Variants in ATP8A2 observed in about 807,000 individuals in gnomAD.
ATP8A2 encodes phospholipid-transporting ATPase IB.
In ATP8A2, 100 loss-of-function variants were observed where a neutral mutation model predicts 165.6. That is an observed-to-expected ratio of 0.60 (90% CI 0.51 to 0.71). The LOEUF (loss-of-function observed/expected upper bound fraction) is 0.71. Among genes scored for constraint, ATP8A2 ranks in the 30% least tolerant of loss-of-function variants. The pLI is 0.00. For synonymous variants in ATP8A2, 543 were observed against 548.8 expected, an observed-to-expected ratio of 0.99 and a Z score of 0.15; for missense variants, 1,227 against 1,479.5, an observed-to-expected ratio of 0.83 and a Z score of 2.80.
At chr13:25,546,236 T>C (rs1444417519) in intron 10 of ATP8A2, among the ~76,000 whole-genome samples, 1 of 152,222 alleles carries the variant, frequency 6.6e-6, no homozygotes, top group Non-Finnish European at 1.5e-5. Context: ...TTTGTGAGTG[T>C]GAGAGGCACT....
rs750550827 is a variant in ATP8A2, at chr13:25,543,336, G to A, written c.825G>A (p.Gln275=). 3 of 1,613,430 alleles carry A rather than the reference G, an allele frequency of 1.9e-6. No homozygotes were observed. The highest frequency in any genetic ancestry group is 3.3e-5 in the Admixed American group (2 of 59,998). Residue 275 remains glutamine (Q), a synonymous_variant, in exon 10 of 37, where the codon CAG becomes CAA. Coordinates refer to ENST00000381655, the MANE Select transcript of ATP8A2 (RefSeq NM_016529.6). The stretch of plus-strand genomic sequence containing the variant: ...ACCAGATCTTATTAAGAGGTACACA[G>A]CTTAGAAATACTCAGTGGGTCTTTG... ...GPDQILLRGT[Q]LRNTQWVFGI...
chr13:25,974,640 C>T lies in ATP8A2; in HGVS notation c.3377+5961C>T, dbSNP rs546491648. On this transcript the variant is annotated intron_variant, in intron 35 of 36. Coordinates refer to ENST00000381655, the MANE Select transcript of ATP8A2 (RefSeq NM_016529.6). The stretch of plus-strand genomic sequence containing the variant: ...AGCTTACCCCTGTCCATCTGAGCTG[C>T]AGTCTGTCTGTAACGTCTATGCCGG... 6.6e-5 allele frequency among the ~76,000 whole-genome samples: 10 copies of T among 152,268 alleles called. No individual in the cohort carries two copies. The South Asian group carries it at 2.1e-3, about 32-fold the overall frequency.
At chr13:25,837,521 T>C (rs1045787988) in intron 29 of ATP8A2, among the ~76,000 whole-genome samples, 2 of 151,616 alleles carry the variant, frequency 1.3e-5, no homozygotes, top group African/African-American at 4.9e-5. Context: ...GGGTCCATGC[T>C]GTGTGGGCTG....
At chr13:25,908,008 T>G (rs1953993441) in intron 33 of ATP8A2, among the ~76,000 whole-genome samples, 1 of 152,190 alleles carries the variant, frequency 6.6e-6, no homozygotes, top group South Asian at 2.1e-4. Flanking sequence ...TTTGACTTAT[T>G]TTAGATATTT....
chr13:25,630,623 C>T (rs957820768), intron 24 of ATP8A2, among the ~76,000 whole-genome samples: 2 of 152,086 alleles, frequency 1.3e-5, no homozygotes, highest in African/African-American at 4.8e-5. Context: ...AAAGATCTTC[C>T]GAATATTTCC....
intron 24 of ATP8A2, among the ~76,000 whole-genome samples, chr13:25,639,733 C>G (rs1461859272): frequency 6.6e-6 from 1 of 150,448 alleles, no homozygotes; most frequent in Non-Finnish European, 1.5e-5. Flanking sequence ...GAATTGAACT[C>G]AGCTGTGCAC....
At chr13:25,881,016 C>A in intron 33 of ATP8A2, 1 of 440,022 alleles carries the variant, frequency 2.3e-6, no homozygotes, top group Non-Finnish European at 4.6e-6. Flanking sequence ...AGTTTCAGGT[C>A]CAAGGTTAAG....
At chr13:25,952,369 T>C (rs749627490) in intron 33 of ATP8A2, among the ~76,000 whole-genome samples, 4 of 133,380 alleles carry the variant, frequency 3.0e-5, no homozygotes, top group Non-Finnish European at 6.3e-5. Context: ...CTGGCCATGG[T>C]ATTTTCTTTT....
At chr13:25,386,025 C>T (rs2033031036) in intron 1 of ATP8A2, among the ~76,000 whole-genome samples, 2 of 151,880 alleles carry the variant, frequency 1.3e-5, no homozygotes, top group Non-Finnish European at 1.5e-5. Flanking sequence ...TAGCGATTCT[C>T]CTGCCTCAGG....
At chr13:25,670,397 T>C (rs1001154414) in intron 24 of ATP8A2, among the ~76,000 whole-genome samples, 4 of 152,196 alleles carry the variant, frequency 2.6e-5, no homozygotes, top group Non-Finnish European at 4.4e-5. Context: ...CCCTGGGAGC[T>C]GGATGGAGTC....
chr13:25,584,578 T>C (rs2039868087), intron 23 of ATP8A2, among the ~76,000 whole-genome samples: 1 of 152,200 alleles, frequency 6.6e-6, no homozygotes, highest in African/African-American at 2.4e-5. Context: ...AAAACTCTTT[T>C]TTTAATATTT....
At chr13:25,550,306 AAAAAT>A (rs988544131) in intron 10 of ATP8A2, among the ~76,000 whole-genome samples, 4 of 152,132 alleles carry the variant, frequency 2.6e-5, no homozygotes, top group African/African-American at 7.2e-5. Flanking sequence ...CTCCATCTCA[AAAAAT>A]AAAATAAAAT....
chr13:25,817,362 GA>G (rs11349625), intron 27 of ATP8A2, among the ~76,000 whole-genome samples: 58,492 of 137,988 alleles, frequency 0.42, 13,270 homozygotes, highest in East Asian at 0.65. Context: ...GGGGGGGGGG[GA>G]AACACGATTT....
At chr13:25,873,787 C>T (rs973353871) in intron 33 of ATP8A2, 7 of 157,790 alleles carry the variant, frequency 4.4e-5, no homozygotes, top group Non-Finnish European at 8.5e-5. Flanking sequence ...TACAGGCGCC[C>T]ACCACCACAC....
intron 7 of ATP8A2, among the ~76,000 whole-genome samples, chr13:25,538,858 A>C (rs1029394471): frequency 3.3e-5 from 5 of 152,150 alleles, no homozygotes; most frequent in Non-Finnish European, 5.9e-5. Context: ...AAGCCTAAGC[A>C]TTAATTTTCT....
chr13:25,531,235 G>GTT (rs1566228964), intron 4 of ATP8A2, among the ~76,000 whole-genome samples: 4 of 101,230 alleles, frequency 4.0e-5, no homozygotes, highest in East Asian at 3.0e-4. Flanking sequence ...TGTTATATAT[G>GTT]ATATATATGT....
chr13:25,845,601 TA>T (rs1471062989), intron 30 of ATP8A2, among the ~76,000 whole-genome samples: 1 of 152,212 alleles, frequency 6.6e-6, no homozygotes, highest in Non-Finnish European at 1.5e-5. Context: ...TAATTTTTAA[TA>T]AATTTGCTCC....
chr13:25,565,828 G>A (rs1488274589), intron 16 of ATP8A2, among the ~76,000 whole-genome samples: 1 of 151,828 alleles, frequency 6.6e-6, no homozygotes, highest in Non-Finnish European at 1.5e-5. Flanking sequence ...CTAAGCCAAT[G>A]TCTAGAAGGG....
intron 35 of ATP8A2, among the ~76,000 whole-genome samples, chr13:25,974,320 A>G (rs1955976459): frequency 6.6e-6 from 1 of 152,222 alleles, no homozygotes; most frequent in Admixed American, 6.5e-5. Flanking sequence ...ACCATCTAAC[A>G]TGTAAGCCTG....
Sources: gnomAD v4.1 joint callset for allele counts (sites outside exome capture counted in the v4.1 genomes callset) on GRCh38, gnomAD v4.1.1 for gene constraint, MANE v1.5 for transcripts, NCBI Gene and HGNC (gene_info 2026-07-23, HGNC 2026-07-21) for gene names.